BMP8B: variants seen among roughly 807,000 people sequenced by gnomAD.
BMP8B encodes the protein bone morphogenetic protein 8 (osteogenic protein 2).
Under a neutral mutation model 30.3 loss-of-function variants are expected in BMP8B, and 17 were observed. The ratio of observed to expected loss-of-function variants is 0.56; its 90% CI spans 0.38 to 0.84. BMP8B has a LOEUF of 0.84. BMP8B is among the 40% of genes least tolerant of loss of function. The pLI, the probability that BMP8B is intolerant of heterozygous loss-of-function variation, is 0.00. For missense variants in BMP8B, 253 were observed against 494.6 expected, an observed-to-expected ratio of 0.51 and a Z score of 4.63; for synonymous variants, 131 against 214.7, an observed-to-expected ratio of 0.61 and a Z score of 3.41.
rs567839477 is a variant in BMP8B, at chr1:39,785,483, G to A, written c.334+2669C>T. ...GCTTCCTAAAGCACCTGCTCTGCAC[G>A]GAGACCTGAGCCATGGTGGGAGGCC... On this transcript the variant is annotated intron_variant, in intron 1 of 6. Coordinates refer to ENST00000372827, the MANE Select transcript of BMP8B (RefSeq NM_001720.5). 2.6e-5 allele frequency among the ~76,000 whole-genome samples: 4 copies of A among 152,334 alleles called. No individual in the cohort carries two copies. The South Asian group carries it at 6.2e-4, about 24-fold the overall frequency.
chr1:39,786,206 A>G (rs572588435), intron 1 of BMP8B, among the ~76,000 whole-genome samples: 1 of 152,366 alleles, frequency 6.6e-6, no homozygotes, highest in Non-Finnish European at 1.5e-5. Context: ...TTCTAAAAAC[A>G]GGTACAAACA....
intron 1 of BMP8B, among the ~76,000 whole-genome samples, chr1:39,782,438 T>C (rs962640138): frequency 1.3e-5 from 2 of 150,370 alleles, no homozygotes; most frequent in African/African-American, 4.9e-5. Flanking sequence ...CAGCCACTTA[T>C]TGAGCAGTGC....
At chr1:39,762,654 G>T (rs1557470726) in intron 6 of BMP8B, 1 of 1,538,532 alleles carries the variant, frequency 6.5e-7, no homozygotes, top group Non-Finnish European at 8.8e-7. Context: ...CGGCACAGGT[G>T]GGTGAGTGCA....
At chr1:39,763,557 T>C in intron 5 of BMP8B, 155 bp downstream of exon 5, 3 of 1,176,202 alleles carry the variant, frequency 2.6e-6, no homozygotes, top group South Asian at 3.4e-5. Flanking sequence ...AAACCCTTTC[T>C]CACCATATTC....
At chr1:39,784,671 G>A (rs1276998121) in intron 1 of BMP8B, among the ~76,000 whole-genome samples, 1 of 122,408 alleles carries the variant, frequency 8.2e-6, no homozygotes. Flanking sequence ...CAAAGGAAGT[G>A]GCCCTGGGGC....
In BMP8B at chr1:39,788,763, G is replaced by C. The variant is rs984182031; in HGVS notation, c.-278C>G. ...GGGACTCTCGGCCAATCCGTCTGTC[G>C]CCGCCGTACCCGCCAGTCCGGCTGT... is the stretch of plus-strand genomic sequence containing the variant. On this transcript the variant is annotated 5_prime_UTR_variant, in exon 1 of 7. Coordinates refer to ENST00000372827, the MANE Select transcript of BMP8B (RefSeq NM_001720.5). This position sits in a 1 kb window ranked among gnomAD's most constrained non-coding sequence, Gnocchi z 5.8. 1.8e-4 allele frequency: 29 copies of C among 161,890 alleles called. No homozygotes were observed. Among genetic ancestry groups the C allele is most frequent in the Non-Finnish European group, 3.6e-4 (28 of 77,022 alleles). 10.0% of individuals were successfully genotyped at this position (161,890 alleles called of 1,614,324 possible). A position where few individuals can be genotyped will look rare whatever the true frequency, so the allele number is the denominator to read the frequency against.
intron 3 of BMP8B, among the ~76,000 whole-genome samples, chr1:39,766,956 C>A (rs1393178330): frequency 1.3e-5 from 2 of 152,256 alleles, no homozygotes; most frequent in African/African-American, 4.8e-5. Context: ...CCCAGGGCAG[C>A]CCTCCTGGCT....
chr1:39,783,203 C>G (rs1457984583), intron 1 of BMP8B, among the ~76,000 whole-genome samples: 2 of 152,228 alleles, frequency 1.3e-5, no homozygotes, highest in African/African-American at 4.8e-5. Context: ...TCACTAACCA[C>G]CACTCTGCTG....
chr1:39,787,883 G>A (rs1330960284), intron 1 of BMP8B, among the ~76,000 whole-genome samples: 1 of 152,240 alleles, frequency 6.6e-6, no homozygotes, highest in Non-Finnish European at 1.5e-5. Context: ...GACATCACCT[G>A]ATTCTTACTC....
At chr1:39,767,251 C>T (rs1649678148) in intron 3 of BMP8B, among the ~76,000 whole-genome samples, 1 of 152,100 alleles carries the variant, frequency 6.6e-6, no homozygotes, top group Admixed American at 6.6e-5. Context: ...AGCAGCTAAT[C>T]CCAGGTTCCC....
chr1:39,769,871 C>T, intron 3 of BMP8B: 1 of 1,611,054 alleles, frequency 6.2e-7, no homozygotes, highest in African/African-American at 1.3e-5. Context: ...GCGGTCCACG[C>T]ACCGCTTCCC....
At chr1:39,783,519 A>T (rs1300359206) in intron 1 of BMP8B, among the ~76,000 whole-genome samples, 1 of 152,234 alleles carries the variant, frequency 6.6e-6, no homozygotes, top group African/African-American at 2.4e-5. Context: ...TCACCCTAAT[A>T]GTTGACTTTT....
Position 39,760,314 on chromosome 1 carries a change from T to C in BMP8B, c.*105A>G. 1.3e-6 allele frequency: 2 copies of C among 1,535,118 alleles called. No individual in the cohort carries two copies. On this transcript the variant is annotated 3_prime_UTR_variant, in exon 7 of 7. Coordinates refer to ENST00000372827, the MANE Select transcript of BMP8B (RefSeq NM_001720.5). Reference sequence around the variant, plus strand: ...TGTACGTGGTTGTGAGGGTCCTCCCTGGCAATGCCCCGGCCTGGGGTCTGG... The same window carrying C: ...TGTACGTGGTTGTGAGGGTCCTCCCCGGCAATGCCCCGGCCTGGGGTCTGG...
intron 1 of BMP8B, among the ~76,000 whole-genome samples, chr1:39,783,122 G>T (rs113108720): frequency 1.6e-3 from 244 of 152,274 alleles, no homozygotes; most frequent in African/African-American, 5.4e-3. Flanking sequence ...GACTTTAAAT[G>T]ATCTGTTCAA....
At chr1:39,770,098 G>T in intron 3 of BMP8B, 1 of 1,221,360 alleles carries the variant, frequency 8.2e-7, no homozygotes, top group Non-Finnish European at 1.1e-6. Context: ...GTCCCCCTCG[G>T]ATCATGGCGA....
Position 39,784,788 on chromosome 1 carries a change from C to T in BMP8B, c.334+3364G>A, listed in dbSNP as rs1650868319. Among the ~76,000 whole-genome samples the T allele has an allele frequency of 4.6e-5, 5 of 107,938 alleles. 1 individual carries two copies. In the East Asian group the frequency reaches 8.9e-4, roughly 19 times the overall value. The allele number at this position is 107,938 out of a possible 152,430, so 70.8% of individuals were successfully genotyped here. On this transcript the variant is annotated intron_variant, in intron 1 of 6. Coordinates refer to ENST00000372827, the MANE Select transcript of BMP8B (RefSeq NM_001720.5). The stretch of plus-strand genomic sequence containing the variant: ...CAGTCCTGCTTCTCCCAAATCCAGA[C>T]GGCTCTGTTCATCAACACCCCTGTC...
Sources: allele counts gnomAD v4.1 joint callset (sites outside exome capture counted in the v4.1 genomes callset), GRCh38; gene constraint gnomAD v4.1.1; non-coding constraint Gnocchi (gnomAD v3.1); transcripts MANE v1.5; gene names NCBI Gene and HGNC (gene_info 2026-07-23, HGNC 2026-07-21).